DNAH10: variants seen among roughly 807,000 people sequenced by gnomAD.
DNAH10 encodes dynein axonemal heavy chain 10.
DNAH10 carries 348 observed loss-of-function variants against 506.6 expected under a neutral mutation model. That is an observed-to-expected ratio of 0.69 (90% CI 0.63 to 0.75). DNAH10 has a LOEUF of 0.75. Ranked by LOEUF, DNAH10 falls within the 30% of genes least tolerant of loss-of-function variation. DNAH10 has a pLI of 0.00. For missense variants in DNAH10, 5,179 were observed against 5,787.1 expected, an observed-to-expected ratio of 0.89 and a Z score of 3.41; for synonymous variants, 2,059 against 2,198.6, an observed-to-expected ratio of 0.94 and a Z score of 1.78.
At chr12:123,895,225 G>A (rs1331990996) in intron 54 of DNAH10, among the ~76,000 whole-genome samples, 2 of 152,154 alleles carry the variant, frequency 1.3e-5, no homozygotes, top group Non-Finnish European at 1.5e-5. Context: ...AATTTCTAGC[G>A]TTTCAAACAC....
chr12:123,874,529 A>G (rs1952166858), intron 46 of DNAH10, among the ~76,000 whole-genome samples: 1 of 150,334 alleles, frequency 6.7e-6, no homozygotes. Flanking sequence ...CCGTCCATTT[A>G]TCCATCTACC....
chr12:123,812,374 C>T (rs548473896), intron 19 of DNAH10, among the ~76,000 whole-genome samples: 56 of 152,148 alleles, frequency 3.7e-4, no homozygotes, highest in Admixed American at 1.1e-3. Context: ...TGGTGTGAAC[C>T]CAGGAGGCAG....
At position 123,916,401 on chromosome 12, in the gene DNAH10, T is replaced by G; in HGVS notation, c.10723-56T>G. On this transcript the variant is annotated intron_variant, in intron 62 of 78. Coordinates refer to ENST00000673944, the MANE Select transcript of DNAH10 (RefSeq NM_001372106.1). The surrounding 1 kb of genome is among the most constrained non-coding windows in gnomAD (Gnocchi z 4.6). ...CTTCCAAGCCATTCTCCCCTTATAT[T>G]TGGCAGGGCCACAGTTAAACGTGGG... is the stretch of plus-strand genomic sequence containing the variant. 6.4e-7 allele frequency: 1 copy of G among 1,553,888 alleles called. No homozygotes were observed. Among genetic ancestry groups the G allele is most frequent in the Non-Finnish European group, 8.7e-7 (1 of 1,153,182 alleles).
intron 25 of DNAH10, 135 bp from the exon 26 acceptor site, chr12:123,830,411 A>G (rs1328051933): frequency 2.0e-6 from 2 of 1,023,602 alleles, no homozygotes; most frequent in African/African-American, 1.6e-5. Flanking sequence ...TATATTTCTA[A>G]TGATGTCCTC....
intron 18 of DNAH10, among the ~76,000 whole-genome samples, chr12:123,806,987 T>C (rs7980049): frequency 0.18 from 27,909 of 152,038 alleles, 3,937 homozygotes; most frequent in African/African-American, 0.4. Flanking sequence ...CCAGGATGGT[T>C]TCAATGTCCT....
At chr12:123,767,488 C>T (rs1039993664) in intron 1 of DNAH10, 118 bp from the exon 2 acceptor site, 24 of 886,672 alleles carry the variant, frequency 2.7e-5, no homozygotes, top group African/African-American at 2.5e-4. Context: ...TGTAACATAA[C>T]GAGTCTCCTG....
At chr12:123,843,199 G>C (rs1051151601) in intron 30 of DNAH10, among the ~76,000 whole-genome samples, 1 of 152,186 alleles carries the variant, frequency 6.6e-6, no homozygotes, top group Non-Finnish European at 1.5e-5. Context: ...ACGTGAACTT[G>C]TTGCTTCCAA....
chr12:123,867,829 C>T, intron 42 of DNAH10, 74 bp from the exon 43 acceptor site: 1 of 1,492,632 alleles, frequency 6.7e-7, no homozygotes, highest in Non-Finnish European at 9.1e-7. Flanking sequence ...CCTGGGATCC[C>T]AGGATTTATG....
At chr12:123,898,053 G>A in intron 55 of DNAH10, 86 bp downstream of exon 55, 2 of 1,303,902 alleles carry the variant, frequency 1.5e-6, no homozygotes, top group Non-Finnish European at 2.0e-6. Context: ...TTAGTAAGAT[G>A]GGGCATCTTC....
intron 5 of DNAH10, among the ~76,000 whole-genome samples, chr12:123,779,097 T>G (rs913016712): frequency 6.6e-6 from 1 of 151,798 alleles, no homozygotes; most frequent in African/African-American, 2.4e-5. Flanking sequence ...TAGAGATGGG[T>G]TTTCACCATG....
intron 56 of DNAH10, among the ~76,000 whole-genome samples, chr12:123,901,284 C>T (rs1251790225): frequency 6.6e-6 from 1 of 152,220 alleles, no homozygotes; most frequent in Non-Finnish European, 1.5e-5. Context: ...GGCACCACCC[C>T]CCACCCCCGC....
At chr12:123,921,124 C>G (rs1954701308) in intron 65 of DNAH10, among the ~76,000 whole-genome samples, 1 of 152,128 alleles carries the variant, frequency 6.6e-6, no homozygotes, top group African/African-American at 2.4e-5. Flanking sequence ...TGGGTTGTTT[C>G]CCGTCGTCTG....
In DNAH10 at chr12:123,796,807, T is replaced by C. The variant is rs766899778; in HGVS notation, c.2138T>C (p.Ile713Thr). 21 of 1,612,626 alleles carry C rather than the reference T, an allele frequency of 1.3e-5. No homozygotes were observed. The highest frequency in any genetic ancestry group is 1.8e-5 in the Non-Finnish European group (21 of 1,179,656). ...TILRFQEVQE[I>T]LDSDRGQEVK... ...CTCCGATTTCAAGAGGTACAAGAGA[T>C]ACTGGACAGTGATCGAGGACAGGAG... is the stretch of plus-strand genomic sequence containing the variant. The change falls in exon 13 of 79, where the codon ATA becomes ACA. Residue 713 changes from isoleucine to threonine, a missense_variant. By Grantham distance (89) the Ile-to-Thr change is moderately conservative. Transcript: ENST00000673944.
rs1594342788 is a variant in DNAH10 at position 123,907,426 on chromosome 12, G to A, written c.9816-1835G>A. Among the ~76,000 whole-genome samples the A allele has an allele frequency of 6.6e-6, 1 of 152,214 alleles. No homozygotes were observed. Among genetic ancestry groups the A allele is most frequent in the Non-Finnish European group, 1.5e-5 (1 of 68,046 alleles). Reference sequence around the variant, plus strand: ...TAGAAGAAAGGAATCAAATTAAACAGACATCTCCCTTTCTCTTGACTTGCA... The same window carrying A: ...TAGAAGAAAGGAATCAAATTAAACAAACATCTCCCTTTCTCTTGACTTGCA... On this transcript the variant is annotated intron_variant, in intron 57 of 78. Coordinates refer to ENST00000673944, the MANE Select transcript of DNAH10 (RefSeq NM_001372106.1). The surrounding 1 kb of genome is among the most constrained non-coding windows in gnomAD (Gnocchi z 4.4).
At chr12:123,883,739 G>T (rs936650214) in intron 51 of DNAH10, among the ~76,000 whole-genome samples, 6 of 152,090 alleles carry the variant, frequency 3.9e-5, no homozygotes, top group Non-Finnish European at 7.4e-5. Flanking sequence ...TTCTTTAGAC[G>T]TTTCTGCATT....
chr12:123,772,757 G>A, intron 3 of DNAH10, 77 bp from the exon 4 acceptor site: 2 of 1,071,498 alleles, frequency 1.9e-6, no homozygotes, highest in South Asian at 1.5e-5. Flanking sequence ...GGAGAGCTTA[G>A]GTGTACTTGA....
chr12:123,847,230 C>CCATCCTAT, intron 32 of DNAH10, among the ~76,000 whole-genome samples: 8 of 109,402 alleles, frequency 7.3e-5, no homozygotes, highest in Non-Finnish European at 2.0e-5. Context: ...ATCTATCTAT[C>CCATCCTAT]TATCTATCTA....
At chr12:123,805,102 T>G (rs965660113) in intron 18 of DNAH10, 62 bp downstream of exon 18, 1 of 1,547,182 alleles carries the variant, frequency 6.5e-7, no homozygotes, top group African/African-American at 1.4e-5. Context: ...TTGACAAATA[T>G]GGACAGTTAG....
At chr12:123,795,170 GA>G (rs1344287073) in intron 12 of DNAH10, among the ~76,000 whole-genome samples, 2 of 146,572 alleles carry the variant, frequency 1.4e-5, no homozygotes, top group African/African-American at 2.5e-5. Context: ...AAAGAAAAAA[GA>G]AAAAAATGCT....
Sources: gnomAD v4.1 joint callset for allele counts (sites outside exome capture counted in the v4.1 genomes callset) on GRCh38, gnomAD v4.1.1 for gene constraint, Gnocchi (gnomAD v3.1) non-coding constraint, MANE v1.5 for transcripts, NCBI Gene and HGNC (gene_info 2026-07-23, HGNC 2026-07-21) for gene names.